CTNNA2: variants seen among roughly 807,000 people sequenced by gnomAD.
CTNNA2 encodes catenin alpha-2.
CTNNA2 carries 42 observed loss-of-function variants against 101.0 expected under a neutral mutation model. The observed-to-expected ratio is 0.42, with a 90% confidence interval of 0.32 to 0.54. The LOEUF is 0.54. CTNNA2 is among the 20% of genes least tolerant of loss of function. The pLI is 0.14. For missense variants in CTNNA2, 871 were observed against 1,223.1 expected (o/e 0.71, Z 4.29); for synonymous variants, 450 against 456.4 (o/e 0.99, Z 0.18).
At chr2:79,430,809 A>G (rs1678651746) in intron 4 of CTNNA2, among the ~76,000 whole-genome samples, 1 of 70,852 alleles carries the variant, frequency 1.4e-5, no homozygotes, top group Non-Finnish European at 3.2e-5. Context: ...CCAAGGTTCA[A>G]AGAAAGACTG....
intron 5 of CTNNA2, among the ~76,000 whole-genome samples, chr2:79,505,989 C>T (rs2103812197): frequency 6.6e-6 from 1 of 152,226 alleles, no homozygotes; most frequent in South Asian, 2.1e-4. Context: ...TTGAGTTTAA[C>T]AAGATTGGGT....
At chr2:80,553,214 A>G in intron 11 of CTNNA2, among the ~76,000 whole-genome samples, 1 of 124,420 alleles carries the variant, frequency 8.0e-6, no homozygotes, top group African/African-American at 2.8e-5. Flanking sequence ...ACAGAGGGAG[A>G]CTCCGTCTCA....
intron 3 of CTNNA2, among the ~76,000 whole-genome samples, chr2:79,373,206 T>C (rs1260724237): frequency 1.3e-5 from 2 of 152,224 alleles, no homozygotes; most frequent in Admixed American, 6.5e-5. Flanking sequence ...GACTCTATGA[T>C]ACCTTCTGGC....
chr2:79,936,668 G>T (rs1235295582), intron 7 of CTNNA2, among the ~76,000 whole-genome samples: 2 of 151,822 alleles, frequency 1.3e-5, no homozygotes, highest in African/African-American at 2.4e-5. Flanking sequence ...TTAAGCCATC[G>T]TTCCTCACCT....
Position 79,568,885 on chromosome 2 carries a change from A to AAAG in CTNNA2, c.-6+55679_-6+55681dup, listed in dbSNP as rs1553429291. Among the ~76,000 whole-genome samples the AAAG allele has an allele frequency of 2.1e-3, 277 of 128,900 alleles. 2 individuals are homozygous for AAAG. The highest frequency in any genetic ancestry group is 7.1e-3 in the African/African-American group (258 of 36,242). 84.6% of individuals were successfully genotyped at this position (128,900 alleles called of 152,430 possible). A position where few individuals can be genotyped will look rare whatever the true frequency, so the allele number is the denominator to read the frequency against. ...AAAAAAAAAAAAAAAAAAAAAAAAA[A>AAAG]AAGCCAGGCATGATGGTATGTGCTC... is the stretch of plus-strand genomic sequence containing the variant. On this transcript the variant is annotated intron_variant, in intron 1 of 18. Transcript: ENST00000402739.
chr2:80,581,566 A>G (rs975532345), intron 13 of CTNNA2, 140 bp from the exon 14 acceptor site: 5 of 568,264 alleles, frequency 8.8e-6, no homozygotes, highest in Admixed American at 2.8e-5. Flanking sequence ...GCTAATACTC[A>G]CCCACATAGC....
chr2:79,620,286 C>T (rs1019944973), intron 1 of CTNNA2, among the ~76,000 whole-genome samples: 10 of 152,294 alleles, frequency 6.6e-5, no homozygotes, highest in African/African-American at 2.4e-4. Context: ...TTCTGAAGTC[C>T]TTCACATGCT....
intron 7 of CTNNA2, among the ~76,000 whole-genome samples, chr2:80,188,049 C>T (rs1388491087): frequency 2.6e-5 from 4 of 152,118 alleles, no homozygotes; most frequent in East Asian, 1.9e-4. Context: ...TACAAGATCC[C>T]GAGTAAAGCC....
chr2:80,321,479 G>A (rs1393833396), intron 7 of CTNNA2, among the ~76,000 whole-genome samples: 5 of 152,234 alleles, frequency 3.3e-5, no homozygotes, highest in African/African-American at 1.2e-4. Context: ...AAAGAAGTAG[G>A]TTAGAGCTAG....
chr2:80,447,697 C>T (rs777732296), intron 9 of CTNNA2, among the ~76,000 whole-genome samples: 5 of 151,760 alleles, frequency 3.3e-5, no homozygotes, highest in East Asian at 1.9e-4. Context: ...CCTTCTCCCA[C>T]GCTGGGATAA....
chr2:79,898,323 G>T (rs1410485985), intron 6 of CTNNA2, among the ~76,000 whole-genome samples: 1 of 151,932 alleles, frequency 6.6e-6, no homozygotes, highest in African/African-American at 2.4e-5. Flanking sequence ...TTTTAGTAGA[G>T]ATGGGGTTTC....
chr2:79,993,954 A>G (rs1692359115), intron 7 of CTNNA2, among the ~76,000 whole-genome samples: 1 of 152,132 alleles, frequency 6.6e-6, no homozygotes, highest in South Asian at 2.1e-4. Context: ...CCCAGGCTGG[A>G]ATGCAGTGAC....
Position 79,725,232 on chromosome 2 carries a change from C to T in CTNNA2, c.103-19155C>T, listed in dbSNP as rs901619222. Among the ~76,000 whole-genome samples the T allele has an allele frequency of 9.9e-5, 15 of 152,224 alleles. 1 individual carries two copies. The highest frequency in any genetic ancestry group is 6.8e-3 in the Middle Eastern group (2 of 294). On this transcript the variant is annotated intron_variant, in intron 2 of 18. Coordinates refer to ENST00000402739, the MANE Select transcript of CTNNA2 (RefSeq NM_001282597.3). ...TGTTAAAATCTATTTGATATTTAAA[C>T]ATAAAATAAAAGATGATCAGGCCCA...
intron 7 of CTNNA2, among the ~76,000 whole-genome samples, chr2:80,020,488 C>T (rs570813578): frequency 6.6e-6 from 1 of 151,898 alleles, no homozygotes; most frequent in Non-Finnish European, 1.5e-5. Flanking sequence ...TTTCAGTGCA[C>T]CCAGAAATGA....
At chr2:80,209,885 A>T (rs979164333) in intron 7 of CTNNA2, among the ~76,000 whole-genome samples, 1 of 152,242 alleles carries the variant, frequency 6.6e-6, no homozygotes, top group Non-Finnish European at 1.5e-5. Flanking sequence ...TTACAAAAAT[A>T]TTGGTATGCT....
At chr2:79,362,896 T>C (rs1677663007) in intron 3 of CTNNA2, among the ~76,000 whole-genome samples, 1 of 152,206 alleles carries the variant, frequency 6.6e-6, no homozygotes, top group Non-Finnish European at 1.5e-5. Flanking sequence ...CTGGGGACTA[T>C]TTGTTACCAA....
intron 1 of CTNNA2, among the ~76,000 whole-genome samples, chr2:79,563,041 G>A (rs768672147): frequency 3.3e-5 from 5 of 151,692 alleles, no homozygotes; most frequent in South Asian, 2.1e-4. Context: ...TGTATTCATG[G>A]CATTATGATA....
chr2:80,232,341 G>GTTTTTTTTTTT (rs1286822049), intron 7 of CTNNA2, among the ~76,000 whole-genome samples: 43 of 82,026 alleles, frequency 5.2e-4, no homozygotes, highest in Non-Finnish European at 8.9e-4. Flanking sequence ...TTGTTTGTTT[G>GTTTTTTTTTTT]TTTGTTTTTT....
At chr2:79,671,228 A>G (rs7421453) in intron 2 of CTNNA2, among the ~76,000 whole-genome samples, 38,313 of 152,050 alleles carry the variant, frequency 0.25, 5,442 homozygotes, top group East Asian at 0.45. Context: ...AAGGAGAAAG[A>G]AATGCTACAG....
Sources: allele counts gnomAD v4.1 joint callset (sites outside exome capture counted in the v4.1 genomes callset), GRCh38; gene constraint gnomAD v4.1.1; transcripts MANE v1.5; gene names NCBI Gene and HGNC (gene_info 2026-07-23, HGNC 2026-07-21).